Variants in MAF observed in about 807,000 individuals in gnomAD.
MAF encodes MAF bZIP transcription factor.
MAF carries 10 observed loss-of-function variants against 22.0 expected under a neutral mutation model. The observed-to-expected ratio is 0.45, with a 90% CI of 0.28 to 0.77. MAF has a LOEUF of 0.77. Ranked by LOEUF, MAF falls within the 30% of genes least tolerant of loss-of-function variation. MAF has a pLI of 0.12. For synonymous variants in MAF, 337 were observed against 255.8 expected, an observed-to-expected ratio of 1.32 and a Z score of -3.03; for missense variants, 544 against 548.4, an observed-to-expected ratio of 0.99 and a Z score of 0.08.
the MAF span, among the ~76,000 whole-genome samples, chr16:79,507,475 A>T: frequency 6.8e-6 from 1 of 147,974 alleles, no homozygotes; most frequent in Non-Finnish European, 1.5e-5. Flanking sequence ...CCCAGGCTGG[A>T]GTGCAGTGGC....
chr16:79,323,130 C>T, the MAF span, among the ~76,000 whole-genome samples: 11 of 116,940 alleles, frequency 9.4e-5, no homozygotes, highest in South Asian at 5.6e-4. Flanking sequence ...GCCTGGGTGA[C>T]AGCGCGAGAC....
chr16:79,371,912 C>G, the MAF span, among the ~76,000 whole-genome samples: 4 of 152,224 alleles, frequency 2.6e-5, no homozygotes, highest in African/African-American at 4.8e-5. Flanking sequence ...TTCACTCTCC[C>G]AAGCTTCGCT....
chr16:79,469,577 T>A, the MAF span, among the ~76,000 whole-genome samples: 3 of 152,024 alleles, frequency 2.0e-5, no homozygotes, highest in Non-Finnish European at 4.4e-5. Context: ...CAAGGTCTCA[T>A]TTATTTATTT....
the MAF span, among the ~76,000 whole-genome samples, chr16:79,408,167 C>T: frequency 3.2e-4 from 48 of 148,614 alleles, 1 homozygote; most frequent in African/African-American, 1.1e-3. Flanking sequence ...GGGCTAACAT[C>T]GTGGCTTTTC....
At chr16:79,221,259 T>C in the MAF span, among the ~76,000 whole-genome samples, 3 of 152,210 alleles carry the variant, frequency 2.0e-5, no homozygotes, top group Admixed American at 2.0e-4. Context: ...ATGAAGTACT[T>C]GGCTTTGTGC....
At chr16:79,577,847 C>A in the MAF span, among the ~76,000 whole-genome samples, 1 of 152,244 alleles carries the variant, frequency 6.6e-6, no homozygotes, top group Admixed American at 6.5e-5. Context: ...GACTGTGGAT[C>A]TCCATGTATA....
At chr16:79,321,145 T>A in the MAF span, among the ~76,000 whole-genome samples, 4 of 152,230 alleles carry the variant, frequency 2.6e-5, no homozygotes, top group Non-Finnish European at 4.4e-5. Flanking sequence ...GTTGGCAGCA[T>A]CTACATACAG....
At chr16:79,349,289 G>A in the MAF span, among the ~76,000 whole-genome samples, 7 of 152,182 alleles carry the variant, frequency 4.6e-5, no homozygotes, top group African/African-American at 1.4e-4. Flanking sequence ...AGGCTCCTAA[G>A]AGGGACTTGA....
At chr16:79,454,165 C>T in the MAF span, among the ~76,000 whole-genome samples, 19 of 152,264 alleles carry the variant, frequency 1.2e-4, no homozygotes, top group Middle Eastern at 3.4e-3. Flanking sequence ...AGAGATTAAG[C>T]GATTGCTAAA....
At chr16:79,245,378 C>A in the MAF span, among the ~76,000 whole-genome samples, 2 of 151,774 alleles carry the variant, frequency 1.3e-5, no homozygotes, top group Admixed American at 1.3e-4. Flanking sequence ...AAAAAGTAAC[C>A]CCATCAAAAA....
At chr16:79,527,264 G>C in the MAF span, among the ~76,000 whole-genome samples, 1 of 152,092 alleles carries the variant, frequency 6.6e-6, no homozygotes, top group African/African-American at 2.4e-5. Context: ...TTGATATAGG[G>C]TTTCATCTCC....
chr16:79,244,222 C>A, the MAF span, among the ~76,000 whole-genome samples: 1 of 152,076 alleles, frequency 6.6e-6, no homozygotes, highest in African/African-American at 2.4e-5. Flanking sequence ...CCAGGACAAT[C>A]AGACAAGAGA....
At chr16:79,368,466 A>G in the MAF span, among the ~76,000 whole-genome samples, 62 of 152,248 alleles carry the variant, frequency 4.1e-4, no homozygotes, top group African/African-American at 1.5e-3. Context: ...AGTGGTTTTT[A>G]GTATATGACT....
the MAF span, among the ~76,000 whole-genome samples, chr16:79,397,367 C>G: frequency 1.3e-5 from 2 of 152,178 alleles, no homozygotes; most frequent in South Asian, 4.1e-4. Context: ...ATATGTCTTA[C>G]TCTGTGTTTA....
At chr16:79,378,039 A>T in the MAF span, among the ~76,000 whole-genome samples, 1 of 152,120 alleles carries the variant, frequency 6.6e-6, no homozygotes, top group East Asian at 1.9e-4. Context: ...ATGAACTTTA[A>T]AGTAGGTTTT....
chr16:79,262,557 C>G, the MAF span, among the ~76,000 whole-genome samples: 8 of 152,212 alleles, frequency 5.3e-5, no homozygotes, highest in Non-Finnish European at 1.2e-4. Context: ...GGATACAGCA[C>G]ACGCAAAGGC....
chr16:79,511,351 A>AAG, the MAF span, among the ~76,000 whole-genome samples: 1 of 152,138 alleles, frequency 6.6e-6, no homozygotes, highest in South Asian at 2.1e-4. Context: ...TATGTGATTT[A>AAG]AGAGAGAGAG....
At chr16:79,435,901 A>T in the MAF span, among the ~76,000 whole-genome samples, 1 of 152,170 alleles carries the variant, frequency 6.6e-6, no homozygotes, top group Non-Finnish European at 1.5e-5. Context: ...CTTGGCCTTC[A>T]ATTCACAGGT....
chr16:79,215,832 C>G, the MAF span, among the ~76,000 whole-genome samples: 1 of 152,180 alleles, frequency 6.6e-6, no homozygotes, highest in Non-Finnish European at 1.5e-5. Context: ...CCTCACAAAG[C>G]ACAACGTCCT....
Sources: gnomAD v4.1 joint callset for allele counts (sites outside exome capture counted in the v4.1 genomes callset) on GRCh38, gnomAD v4.1.1 for gene constraint, MANE v1.5 for transcripts, NCBI Gene and HGNC (gene_info 2026-07-23, HGNC 2026-07-21) for gene names.